The following MYBBP1A variants were observed in gnomAD, a reference collection of about 807,000 sequenced individuals.
MYBBP1A encodes myb-binding protein 1A.
MYBBP1A carries 147 observed loss-of-function variants against 136.3 expected under a neutral mutation model. The ratio of observed to expected loss-of-function variants is 1.08; its 90% CI spans 0.94 to 1.24. The LOEUF is 1.24. Among genes scored for constraint, MYBBP1A ranks in the 50% most tolerant of loss-of-function variants. The pLI is 0.00. For synonymous variants in MYBBP1A, 947 were observed against 735.8 expected (o/e 1.29, Z -4.65); for missense variants, 2,060 against 1,727.4 (o/e 1.19, Z -3.41).
At position 4,544,526 on chromosome 17, in the gene MYBBP1A, C is replaced by T; in HGVS notation, c.2602G>A (p.Glu868Lys). Residue 868 changes from glutamate (E) to lysine (K), a missense_variant, in exon 19 of 26, where the codon GAG becomes AAG. Physicochemically the swap from Glu to Lys is moderately conservative, Grantham distance 56. Transcript: ENST00000254718. ...RSLRSSSSKQEQDLLHKTARI... is the reference protein window; with the variant it reads ...RSLRSSSSKQKQDLLHKTARI... ...GCCGTCTTGTGCAGAAGGTCCTGCT[C>T]CTGTTTGGAGCTGCTGCTGCGCAGG... 1.3e-6 allele frequency: 2 copies of T among 1,554,534 alleles called. No homozygotes were observed. Among genetic ancestry groups the T allele is most frequent in the South Asian group, 2.4e-5 (2 of 84,352 alleles).
At chr17:4,546,129 G>C (rs542094225) in intron 13 of MYBBP1A, among the ~76,000 whole-genome samples, 187 bp from the exon 14 acceptor site, 1 of 152,306 alleles carries the variant, frequency 6.6e-6, no homozygotes, top group South Asian at 2.1e-4. Flanking sequence ...CAAGAGCTGA[G>C]GGCTTTTGAG....
In MYBBP1A at chr17:4,541,842, C is replaced by T; in HGVS notation, c.3137G>A (p.Cys1046Tyr). The change falls in exon 23 of 26, where the codon TGC (cysteine) becomes TAC (tyrosine). Residue 1046 changes from cysteine to tyrosine, a missense_variant. Cys to Tyr is a radical substitution (Grantham distance 194, BLOSUM62 -2). Coordinates refer to ENST00000254718, the MANE Select transcript of MYBBP1A (RefSeq NM_014520.4). ...KTLSMREVRS[C>Y]FEDPEWKQLM... The stretch of plus-strand genomic sequence containing the variant: ...CTGCTTCCACTCGGGGTCCTCAAAG[C>T]ACGACCTCACCTCCCGCATGGACAG... 2.5e-6 allele frequency: 4 copies of T among 1,614,090 alleles called. No homozygotes were observed. Among genetic ancestry groups the T allele is most frequent in the Non-Finnish European group, 3.4e-6 (4 of 1,180,030 alleles).
chr17:4,548,612 GCTT>G lies in MYBBP1A; in HGVS notation c.1465_1467del (p.Lys489del), dbSNP rs902028101. The G allele has an allele frequency of 6.2e-6, 10 of 1,614,100 alleles. No individual in the cohort carries two copies. Among genetic ancestry groups the G allele is most frequent in the African/African-American group, 5.3e-5 (4 of 74,946 alleles). On this transcript the variant is annotated inframe_deletion, in exon 11 of 26. Transcript: ENST00000254718. The surrounding 1 kb of genome is among the most constrained non-coding windows in gnomAD (Gnocchi z 4.2). ...TTTGTCTCAGGGATCTGGGATGTGG[GCTT>G]CTTTGTGACAAAGAACGAGTGGAAC...
At chr17:4,540,104 A>AGGGTCCTATGAGGGTCCTGCGAGGCCCCT in intron 25 of MYBBP1A, 137 bp from the exon 26 acceptor site, 1 of 1,219,682 alleles carries the variant, frequency 8.2e-7, no homozygotes. Context: ...GGGTCCCGTG[A>AGGGTCCTATGAGGGTCCTGCGAGGCCCCT]GGGTCCTATG....
chr17:4,548,397 G>A lies in MYBBP1A; in HGVS notation c.1557-87C>T, dbSNP rs1001497685. On this transcript the variant is annotated intron_variant, in intron 11 of 25. Transcript: ENST00000254718. This position sits in a 1 kb window ranked among gnomAD's most constrained non-coding sequence, Gnocchi z 4.2. Reference sequence around the variant, plus strand: ...CGCCCTCCCCAGGGCTCGGTCTCCCGCCTCTCCAGGACCTACTAGAACTCC... The same window carrying A: ...CGCCCTCCCCAGGGCTCGGTCTCCCACCTCTCCAGGACCTACTAGAACTCC... The A allele has an allele frequency of 1.2e-5, 20 of 1,601,654 alleles. No individual in the cohort carries two copies. Among genetic ancestry groups the A allele is most frequent in the Middle Eastern group, 1.8e-4 (1 of 5,562 alleles).
At position 4,543,056 on chromosome 17, in the gene MYBBP1A, A is replaced by G. The variant is rs1445409337; in HGVS notation, c.2749T>C (p.Ser917Pro). The change falls in exon 20 of 26, where the codon TCC (serine) becomes CCC (proline). Residue 917 changes from serine (S) to proline (P), a missense_variant. Physicochemically the swap from Ser to Pro is moderately conservative, Grantham distance 74 (BLOSUM62 -1). Coordinates refer to ENST00000254718, the MANE Select transcript of MYBBP1A (RefSeq NM_014520.4). ...LVQQAGRQPD[S>P]PTALYHFNAS... ...TTGAAGTGGTAGAGGGCGGTGGGGG[A>G]GTCGGGCTGGCGGCCAGCCTGCTGC... 9 of 1,613,176 alleles carry G rather than the reference A, an allele frequency of 5.6e-6. No individual in the cohort carries two copies. Among genetic ancestry groups the G allele is most frequent in the Admixed American group, 1.7e-5 (1 of 59,992 alleles).
At position 4,549,354 on chromosome 17, in the gene MYBBP1A, C is replaced by G. The variant is rs144444789; in HGVS notation, c.1408G>C (p.Ala470Pro). ...CACCTGGCCACCTGCTCAGTCAAGG[C>G]CTCCTCCATCTCCAGGTGCAGGCTG... ...VDSLHLEMEE[A>P]LTEQVARFCL... Residue 470 changes from alanine to proline, a missense_variant, in exon 10 of 26, where the codon GCC (alanine) becomes CCC (proline). Ala to Pro is a conservative substitution (Grantham distance 27, BLOSUM62 -1). Transcript: ENST00000254718. The G allele has an allele frequency of 6.6e-5, 107 of 1,612,364 alleles. No homozygotes were observed. Among genetic ancestry groups the G allele is most frequent in the Non-Finnish European group, 8.5e-6 (10 of 1,179,956 alleles).
intron 17 of MYBBP1A, 38 bp downstream of exon 17, chr17:4,544,988 C>CCAG: frequency 2.7e-6 from 4 of 1,463,916 alleles, no homozygotes; most frequent in Non-Finnish European, 1.8e-6. Context: ...ACACCCGAGC[C>CCAG]CTCCCCGGCC....
In MYBBP1A at chr17:4,548,130, C is replaced by T; in HGVS notation, c.1724+13G>A. ...AGCGTCCTGCCCACCCCCTGGAAAT[C>T]CCACGTGCTCACCGGTCCCAGGCCT... On this transcript the variant is annotated intron_variant, in intron 12 of 25. Transcript: ENST00000254718. The surrounding 1 kb of genome is among the most constrained non-coding windows in gnomAD (Gnocchi z 4.2). The T allele has an allele frequency of 6.2e-7, 1 of 1,604,344 alleles. No homozygotes were observed. Among genetic ancestry groups the T allele is most frequent in the Non-Finnish European group, 8.5e-7 (1 of 1,179,718 alleles).
At chr17:4,551,448 T>A (rs1597388305) in intron 8 of MYBBP1A, among the ~76,000 whole-genome samples, 1 of 152,198 alleles carries the variant, frequency 6.6e-6, no homozygotes, top group East Asian at 1.9e-4. Context: ...GTGGCTCACG[T>A]CTGTAATCCC....
Position 4,544,626 on chromosome 17 carries a change from C to T in MYBBP1A, c.2502G>A (p.Val834=). The change falls in exon 19 of 26, where the codon GTG becomes GTA. Residue 834 remains valine, a synonymous_variant. Coordinates refer to ENST00000254718, the MANE Select transcript of MYBBP1A (RefSeq NM_014520.4). ...CATTCTCGGGCTGCTTGGTCACTAG[C>T]ACCTCCACCAGGTCCAGCACCTGCA... ...FQIRVLDLVE[V]LVTKQPENAL... is the part of the protein sequence containing the mutation. 1.3e-6 allele frequency: 2 copies of T among 1,590,936 alleles called. No individual in the cohort carries two copies. Among genetic ancestry groups the T allele is most frequent in the Non-Finnish European group, 8.6e-7 (1 of 1,168,386 alleles).
At chr17:4,542,568 T>C in intron 21 of MYBBP1A, 36 bp from the exon 22 acceptor site, 1 of 1,612,920 alleles carries the variant, frequency 6.2e-7, no homozygotes. Context: ...AGGTGCAGGC[T>C]GGGCTGAGCA....
chr17:4,552,421 G>A lies in MYBBP1A; in HGVS notation c.737+30C>T. Reference sequence around the variant, plus strand: ...GCCAGATGCAGTCCCTTGGCCCCAGGGAGGGCAAATCCGCCCACCTCCATC... The same window carrying A: ...GCCAGATGCAGTCCCTTGGCCCCAGAGAGGGCAAATCCGCCCACCTCCATC... On this transcript the variant is annotated intron_variant, in intron 6 of 25. Coordinates refer to ENST00000254718, the MANE Select transcript of MYBBP1A (RefSeq NM_014520.4). This position sits in a 1 kb window ranked among gnomAD's most constrained non-coding sequence, Gnocchi z 4.7. 4 of 1,609,048 alleles carry A rather than the reference G, an allele frequency of 2.5e-6. No homozygotes were observed. The highest frequency in any genetic ancestry group is 3.4e-6 in the Non-Finnish European group (4 of 1,178,458).
Position 4,550,254 on chromosome 17 carries a change from C to T in MYBBP1A, c.1123G>A (p.Val375Met). 6.2e-7 allele frequency: 1 copy of T among 1,613,608 alleles called. No homozygotes were observed. The highest frequency in any genetic ancestry group is 2.2e-5 in the East Asian group (1 of 44,876). ...DDPERQLAVL[V>M]AFSSVTNQGL... ...TGGTTGGTGACAGATGAGAAGGCCA[C>T]TAGCACGGCCAGCTGCCGCTCAGGG... The change falls in exon 9 of 26, where the codon GTG (valine) becomes ATG (methionine). Residue 375 changes from valine (V) to methionine (M), a missense_variant. Physicochemically the swap from Val to Met is conservative, Grantham distance 21. Transcript: ENST00000254718.
Position 4,539,808 on chromosome 17 carries a change from T to TGCAGGTGTGCCATCCTCC in MYBBP1A, c.3576_3593dup (p.Glu1193_Ala1198dup), listed in dbSNP as rs1567601506. On this transcript the variant is annotated inframe_insertion, in exon 26 of 26. Coordinates refer to ENST00000254718, the MANE Select transcript of MYBBP1A (RefSeq NM_014520.4). The stretch of plus-strand genomic sequence containing the variant: ...TGGGGGGCTGGCTCCCGCCGGTGGC[T>TGCAGGTGTGCCATCCTCC]GCAGGTGTGCCATCCTCCGCTGGCG... 6.2e-7 allele frequency: 1 copy of TGCAGGTGTGCCATCCTCC among 1,611,910 alleles called. No individual in the cohort carries two copies. Among genetic ancestry groups the TGCAGGTGTGCCATCCTCC allele is most frequent in the Admixed American group, 1.7e-5 (1 of 60,016 alleles).
rs367954752 is a variant in MYBBP1A, at chr17:4,549,448, G to C, written c.1320-6C>G. 3 of 1,611,082 alleles carry C rather than the reference G, an allele frequency of 1.9e-6. No individual in the cohort carries two copies. The highest frequency in any genetic ancestry group is 1.7e-6 in the Non-Finnish European group (2 of 1,179,390). ...GGAACACAGCTCGCTCAGGCCTAGC[G>C]GGGCAGGAGGCGAGGTCATGTGAGC... is the stretch of plus-strand genomic sequence containing the variant. On this transcript the variant is annotated splice_polypyrimidine_tract_variant and splice_region_variant and intron_variant, in intron 9 of 25. Coordinates refer to ENST00000254718, the MANE Select transcript of MYBBP1A (RefSeq NM_014520.4).
At position 4,544,533 on chromosome 17, in the gene MYBBP1A, G is replaced by A. The variant is rs1271735182; in HGVS notation, c.2595C>T (p.Ser865=). ...TGTGCAGAAGGTCCTGCTCCTGTTTGGAGCTGCTGCTGCGCAGGCTGCGCC... is the reference window on the plus strand; with the variant it reads ...TGTGCAGAAGGTCCTGCTCCTGTTTAGAGCTGCTGCTGCGCAGGCTGCGCC... ...IIRRSLRSSS[S]KQEQDLLHKT... is the part of the protein sequence containing the mutation. The change falls in exon 19 of 26, where the codon TCC becomes TCT. Residue 865 remains serine (S), a synonymous_variant. Transcript: ENST00000254718. 2 of 1,555,398 alleles carry A rather than the reference G, an allele frequency of 1.3e-6. No homozygotes were observed. The highest frequency in any genetic ancestry group is 2.7e-5 in the African/African-American group (2 of 73,340).
Position 4,545,297 on chromosome 17 carries a change from T to A in MYBBP1A, c.2122A>T (p.Thr708Ser), listed in dbSNP as rs142437020. Residue 708 changes from threonine to serine, a missense_variant, in exon 16 of 26, where the codon ACG becomes TCG. By Grantham distance (58) the Thr-to-Ser change is moderately conservative. Coordinates refer to ENST00000254718, the MANE Select transcript of MYBBP1A (RefSeq NM_014520.4). ...AGCCGCCGCTCATCAGAATCGTCCG[T>A]CACCACCACACGGTCATTCTCATCC... ...SEDENDRVVV[T>S]DDSDERRLKG... The A allele has an allele frequency of 3.8e-4, 607 of 1,612,252 alleles. No homozygotes were observed. Among genetic ancestry groups the A allele is most frequent in the Non-Finnish European group, 4.8e-4 (562 of 1,179,706 alleles).
intron 24 of MYBBP1A, among the ~76,000 whole-genome samples, 161 bp downstream of exon 24, chr17:4,541,302 C>G (rs143308033): frequency 0.027 from 4,183 of 152,400 alleles, 83 homozygotes; most frequent in Middle Eastern, 0.058. Context: ...GGTTTGGTAA[C>G]TGCCCAAATG....
Sources: gnomAD v4.1 joint callset for allele counts (sites outside exome capture counted in the v4.1 genomes callset) on GRCh38, gnomAD v4.1.1 for gene constraint, Gnocchi (gnomAD v3.1) non-coding constraint, MANE v1.5 for transcripts, NCBI Gene and HGNC (gene_info 2026-07-23, HGNC 2026-07-21) for gene names.